The following PAPPA2 variants were observed in gnomAD, a reference collection of about 807,000 sequenced individuals.
The protein encoded by PAPPA2 is pappalysin-2.
A neutral mutation model predicts 176.4 loss-of-function variants in PAPPA2; 86 were observed. The observed-to-expected ratio is 0.49, with a 90% confidence interval of 0.41 to 0.58. The LOEUF (loss-of-function observed/expected upper bound fraction) is 0.58. Ranked by LOEUF, PAPPA2 falls within the 20% of genes least tolerant of loss-of-function variation. PAPPA2 has a pLI of 0.00. For synonymous variants in PAPPA2, 809 were observed against 852.2 expected (o/e 0.95, Z 0.88); for missense variants, 2,073 against 2,256.9 (o/e 0.92, Z 1.65).
chr1:176,563,006 C>A (rs987415932), intron 2 of PAPPA2, among the ~76,000 whole-genome samples: 2 of 152,140 alleles, frequency 1.3e-5, no homozygotes, highest in Non-Finnish European at 2.9e-5. Flanking sequence ...TTGCTTCCTG[C>A]CTTATTTGTT....
chr1:176,658,968 A>G (rs1467179383), intron 3 of PAPPA2, among the ~76,000 whole-genome samples: 1 of 152,036 alleles, frequency 6.6e-6, no homozygotes, highest in Non-Finnish European at 1.5e-5. Flanking sequence ...CAGATATATT[A>G]TACATTAGAC....
At chr1:176,710,682 C>G (rs1322471331) in intron 11 of PAPPA2, among the ~76,000 whole-genome samples, 1 of 152,130 alleles carries the variant, frequency 6.6e-6, no homozygotes, top group Non-Finnish European at 1.5e-5. Flanking sequence ...GGGACCTATT[C>G]TAGATGCTTT....
At chr1:176,709,017 T>C (rs1162302719) in intron 10 of PAPPA2, among the ~76,000 whole-genome samples, 1 of 152,186 alleles carries the variant, frequency 6.6e-6, no homozygotes, top group Admixed American at 6.6e-5. Flanking sequence ...TAAATGGCTT[T>C]GTAGGTGTTT....
intron 3 of PAPPA2, among the ~76,000 whole-genome samples, chr1:176,602,697 T>A (rs1336721423): frequency 6.6e-6 from 1 of 151,586 alleles, no homozygotes; most frequent in Non-Finnish European, 1.5e-5. Flanking sequence ...GGAGGAGAAA[T>A]TTTAAAACTA....
At chr1:176,481,294 A>ACG (rs1264338281) in intron 1 of PAPPA2, among the ~76,000 whole-genome samples, 2 of 128,422 alleles carry the variant, frequency 1.6e-5, no homozygotes, top group Non-Finnish European at 3.3e-5. Flanking sequence ...ACACACACAC[A>ACG]CACACAGACA....
chr1:176,611,966 A>G (rs572889609), intron 3 of PAPPA2, among the ~76,000 whole-genome samples: 12 of 152,366 alleles, frequency 7.9e-5, no homozygotes, highest in Non-Finnish European at 1.5e-4. Flanking sequence ...TGAAATAAGT[A>G]TCCATTCATC....
chr1:176,508,593 A>C (rs1648426825), intron 1 of PAPPA2, among the ~76,000 whole-genome samples: 1 of 152,206 alleles, frequency 6.6e-6, no homozygotes, highest in Non-Finnish European at 1.5e-5. Flanking sequence ...AAGTAAAAAA[A>C]AAAATAATGA....
intron 14 of PAPPA2, among the ~76,000 whole-genome samples, chr1:176,759,733 C>G (rs757899944): frequency 6.6e-6 from 1 of 152,150 alleles, no homozygotes; most frequent in Non-Finnish European, 1.5e-5. Flanking sequence ...AAAGAGGTGC[C>G]TGGTTTGGCA....
At chr1:176,534,036 C>T (rs938402116) in intron 1 of PAPPA2, among the ~76,000 whole-genome samples, 2 of 152,134 alleles carry the variant, frequency 1.3e-5, no homozygotes, top group Non-Finnish European at 2.9e-5. Flanking sequence ...TTTGGATATA[C>T]GTATTTGATT....
At chr1:176,661,949 A>T (rs1658383068) in intron 3 of PAPPA2, among the ~76,000 whole-genome samples, 1 of 152,010 alleles carries the variant, frequency 6.6e-6, no homozygotes, top group African/African-American at 2.4e-5. Context: ...AATTTTGTAC[A>T]CACTTCTATT....
chr1:176,701,719 A>G (rs1395619738), intron 8 of PAPPA2, among the ~76,000 whole-genome samples: 1 of 152,210 alleles, frequency 6.6e-6, no homozygotes, highest in African/African-American at 2.4e-5. Flanking sequence ...AGCCACTCAC[A>G]GTAGTCCCAG....
intron 20 of PAPPA2, among the ~76,000 whole-genome samples, chr1:176,796,788 G>GTCTTTCTTCCTCCCTCTCTCTCC (rs1419359676): frequency 2.7e-5 from 3 of 112,048 alleles, no homozygotes; most frequent in Non-Finnish European, 5.3e-5. Context: ...CCTTCTTTCT[G>GTCTTTCTTCCTCCCTCTCTCTCC]TCTTTCTTCC....
intron 4 of PAPPA2, among the ~76,000 whole-genome samples, chr1:176,678,272 G>A (rs1659406835): frequency 1.3e-5 from 2 of 152,118 alleles, no homozygotes; most frequent in African/African-American, 2.4e-5. Flanking sequence ...CCAATAATAG[G>A]TTTAATAGTA....
At chr1:176,741,823 A>C (rs368149284) in intron 14 of PAPPA2, among the ~76,000 whole-genome samples, 3 of 152,228 alleles carry the variant, frequency 2.0e-5, no homozygotes, top group African/African-American at 7.2e-5. Flanking sequence ...GTAGACTATT[A>C]AAATAACATT....
At chr1:176,620,592 C>G (rs970781050) in intron 3 of PAPPA2, among the ~76,000 whole-genome samples, 13 of 152,110 alleles carry the variant, frequency 8.5e-5, no homozygotes, top group African/African-American at 3.1e-4. Context: ...AGTATGAAAG[C>G]AGTCACAAAC....
chr1:176,609,342 T>C (rs1654779206), intron 3 of PAPPA2, among the ~76,000 whole-genome samples: 1 of 152,190 alleles, frequency 6.6e-6, no homozygotes, highest in Admixed American at 6.5e-5. Flanking sequence ...TGAAAACAAA[T>C]TTTTCTTCTC....
chr1:176,845,543 T>A lies in PAPPA2; in HGVS notation c.*3089T>A, dbSNP rs941274723. ...CTACTGTATTGTAATGTAAAACAGC[T>A]ACAGCCAGTTATTTTGTAAGATTAT... On this transcript the variant is annotated 3_prime_UTR_variant, in exon 23 of 23. Coordinates refer to ENST00000367662, the MANE Select transcript of PAPPA2 (RefSeq NM_020318.3). 6.6e-6 allele frequency: 1 copy of A among 152,222 alleles called. No individual in the cohort carries two copies. Among genetic ancestry groups the A allele is most frequent in the Admixed American group, 6.5e-5 (1 of 15,274 alleles). 9.4% of individuals were successfully genotyped at this position (152,222 alleles called of 1,614,324 possible). A position where few individuals can be genotyped will look rare whatever the true frequency, so the allele number is the denominator to read the frequency against.
chr1:176,602,712 G>A (rs905018613), intron 3 of PAPPA2, among the ~76,000 whole-genome samples: 14 of 151,318 alleles, frequency 9.3e-5, no homozygotes, highest in Non-Finnish European at 8.8e-5. Flanking sequence ...AAACTAAACA[G>A]CAAAAAAAAA....
At chr1:176,766,508 A>AT (rs1271881606) in intron 15 of PAPPA2, among the ~76,000 whole-genome samples, 38 of 152,322 alleles carry the variant, frequency 2.5e-4, no homozygotes, top group Middle Eastern at 3.4e-3. Flanking sequence ...AACAAAAGAA[A>AT]TTAATCTCCT....
Sources: gnomAD v4.1 joint callset for allele counts (sites outside exome capture counted in the v4.1 genomes callset) on GRCh38, gnomAD v4.1.1 for gene constraint, MANE v1.5 for transcripts, NCBI Gene and HGNC (gene_info 2026-07-23, HGNC 2026-07-21) for gene names.